The following DSC3 variants were observed in gnomAD, a reference collection of about 807,000 sequenced individuals.
The protein encoded by DSC3 is desmocollin 3, also known as desmocollin-3.
A neutral mutation model predicts 89.5 loss-of-function variants in DSC3; 97 were observed. The observed-to-expected ratio is 1.08, with a 90% confidence interval of 0.92 to 1.28. The LOEUF (loss-of-function observed/expected upper bound fraction) is 1.28, where lower values mean the gene tolerates loss of function less well. Among genes scored for constraint, DSC3 ranks in the 50% most tolerant of loss-of-function variants. The pLI, the probability that DSC3 is intolerant of heterozygous loss-of-function variation, is 0.00. For synonymous variants in DSC3, 436 were observed against 384.1 expected, an observed-to-expected ratio of 1.14 and a Z score of -1.58; for missense variants, 1,199 against 1,085.3, an observed-to-expected ratio of 1.10 and a Z score of -1.47.
chr18:31,020,543 CT>C (rs1001066266), intron 7 of DSC3, among the ~76,000 whole-genome samples: 1 of 152,108 alleles, frequency 6.6e-6, no homozygotes, highest in Non-Finnish European at 1.5e-5. Context: ...TTTTATTTTA[CT>C]GTTCGTTAGT....
intron 2 of DSC3, 54 bp from the exon 3 acceptor site, chr18:31,031,226 G>T: frequency 1.7e-6 from 2 of 1,202,176 alleles, no homozygotes; most frequent in Non-Finnish European, 2.4e-6. Flanking sequence ...AAAAAAAAAC[G>T]TGTTAAAATA....
chr18:31,027,139 T>C (rs1260742821), intron 4 of DSC3, among the ~76,000 whole-genome samples: 1 of 152,126 alleles, frequency 6.6e-6, no homozygotes, highest in African/African-American at 2.4e-5. Context: ...ATAGGCTAAA[T>C]TGAAGCTCAA....
chr18:30,999,208 C>T (rs1266520225), intron 14 of DSC3, among the ~76,000 whole-genome samples: 1 of 152,094 alleles, frequency 6.6e-6, no homozygotes, highest in Non-Finnish European at 1.5e-5. Context: ...CTTTGTGCCA[C>T]CTTCCTATCA....
rs1984286706 is a variant in DSC3, at chr18:30,992,201, C to A, written c.*1974G>T. 6.9e-6 allele frequency: 1 copy of A among 144,740 alleles called. No homozygotes were observed. The highest frequency in any genetic ancestry group is 2.2e-4 in the South Asian group (1 of 4,522). The allele number at this position is 144,740 out of a possible 1,614,324, so 9.0% of individuals were successfully genotyped here. On this transcript the variant is annotated 3_prime_UTR_variant, in exon 16 of 16. Coordinates refer to ENST00000360428, the MANE Select transcript of DSC3 (RefSeq NM_001941.5). Reference sequence around the variant, plus strand: ...GGGGGGGGGGGGGGCAATAAAAAGTCTAAGTCTAAAACACATAGATTTTAG... The same window carrying A: ...GGGGGGGGGGGGGGCAATAAAAAGTATAAGTCTAAAACACATAGATTTTAG...
chr18:31,019,585 G>T (rs894123563), intron 7 of DSC3, among the ~76,000 whole-genome samples: 8 of 152,104 alleles, frequency 5.3e-5, no homozygotes, highest in Non-Finnish European at 1.2e-4. Flanking sequence ...TCAAGGCCAG[G>T]AGTTTGAGAC....
chr18:30,995,951 G>A (rs1324723745), intron 15 of DSC3, among the ~76,000 whole-genome samples: 3 of 110,132 alleles, frequency 2.7e-5, no homozygotes, highest in African/African-American at 3.6e-5. Context: ...CAGCCTCAGC[G>A]ACAGAGCAAG....
At position 31,025,866 on chromosome 18, in the gene DSC3, C is replaced by T; in HGVS notation, c.524G>A (p.Gly175Glu). The change falls in exon 5 of 16, where the codon GGA (glycine) becomes GAA (glutamate). Residue 175 changes from glycine to glutamate, a missense_variant. By Grantham distance (98) the Gly-to-Glu change is moderately conservative (BLOSUM62 -2). Coordinates refer to ENST00000360428, the MANE Select transcript of DSC3 (RefSeq NM_001941.5). ...TAAAGGTTCTTTATCAACTCCACGT[C>T]CACTTATTGAGTAGAAGACAGTATA... ...QNYTVFYSISGRGVDKEPLNL... is the reference protein window; with the variant it reads ...QNYTVFYSISERGVDKEPLNL... 1 of 1,613,040 alleles carries T rather than the reference C, an allele frequency of 6.2e-7. No individual in the cohort carries two copies.
In DSC3 at chr18:30,994,062, T is replaced by G. The variant is rs1442690508; in HGVS notation, c.*113A>C. ...AATATAAATTGGTGAGTAGCATAATTCAAAATTGAGAAAAAAATCATCATA... is the reference window on the plus strand; with the variant it reads ...AATATAAATTGGTGAGTAGCATAATGCAAAATTGAGAAAAAAATCATCATA... On this transcript the variant is annotated 3_prime_UTR_variant, in exon 16 of 16. Coordinates refer to ENST00000360428, the MANE Select transcript of DSC3 (RefSeq NM_001941.5). 1.8e-6 allele frequency: 2 copies of G among 1,100,830 alleles called. No homozygotes were observed. The highest frequency in any genetic ancestry group is 2.7e-6 in the Non-Finnish European group (2 of 742,394). The allele number at this position is 1,100,830 out of a possible 1,614,324, so 68.2% of individuals were successfully genotyped here.
chr18:31,004,697 A>G (rs1204183627), intron 12 of DSC3, among the ~76,000 whole-genome samples: 1 of 151,130 alleles, frequency 6.6e-6, no homozygotes, highest in East Asian at 2.0e-4. Context: ...GTACCAATGT[A>G]TCTACAGGTA....
chr18:30,999,401 A>G (rs1245690295), intron 14 of DSC3, among the ~76,000 whole-genome samples: 1 of 151,932 alleles, frequency 6.6e-6, no homozygotes, highest in Non-Finnish European at 1.5e-5. Context: ...GCTACCCTAC[A>G]TTTTTTTATT....
intron 1 of DSC3, among the ~76,000 whole-genome samples, chr18:31,040,194 G>A (rs1338367817): frequency 6.6e-6 from 1 of 152,164 alleles, no homozygotes; most frequent in African/African-American, 2.4e-5. Context: ...AACTATTTTA[G>A]TTCCTTTAGA....
intron 15 of DSC3, 126 bp from the exon 16 acceptor site, chr18:30,994,498 T>C: frequency 6.3e-7 from 1 of 1,589,876 alleles, no homozygotes; most frequent in Non-Finnish European, 8.6e-7. Flanking sequence ...AATGGATTCC[T>C]ACACACAGAA....
chr18:30,997,938 G>C (rs1196519956), intron 14 of DSC3, among the ~76,000 whole-genome samples: 1 of 152,124 alleles, frequency 6.6e-6, no homozygotes, highest in Non-Finnish European at 1.5e-5. Context: ...GTTGAGAACA[G>C]CTACCACATA....
At chr18:31,040,535 TATTTAC>T (rs1312594405) in intron 1 of DSC3, among the ~76,000 whole-genome samples, 1 of 152,174 alleles carries the variant, frequency 6.6e-6, no homozygotes, top group East Asian at 1.9e-4. Context: ...TTAGAAACTG[TATTTAC>T]ACTTCAGAGT....
chr18:31,039,511 T>A (rs1340005429), intron 1 of DSC3, among the ~76,000 whole-genome samples: 2 of 152,214 alleles, frequency 1.3e-5, no homozygotes, highest in African/African-American at 4.8e-5. Context: ...TTCTGCAGAA[T>A]GGAAATATTA....
rs141311997 is a variant in DSC3 at position 30,994,484 on chromosome 18, C to T, written c.2494-112G>A. On this transcript the variant is annotated intron_variant, in intron 15 of 15. Coordinates refer to ENST00000360428, the MANE Select transcript of DSC3 (RefSeq NM_001941.5). ...ATGTTTAATTTTTAACCAGTGTGTC[C>T]TCTAATGGATTCCTACACACAGAAA... The T allele has an allele frequency of 4.2e-3, 6,627 of 1,592,394 alleles. 27 individuals are homozygous for T. Among genetic ancestry groups the T allele is most frequent in the Non-Finnish European group, 5.2e-3 (6,091 of 1,166,612 alleles).
Position 31,007,064 on chromosome 18 carries a change from T to C in DSC3, c.1731A>G (p.Ile577Met). The C allele has an allele frequency of 1.9e-6, 3 of 1,614,002 alleles. No homozygotes were observed. The highest frequency in any genetic ancestry group is 8.5e-7 in the Non-Finnish European group (1 of 1,179,956). Residue 577 changes from isoleucine (I) to methionine (M), a missense_variant, in exon 12 of 16, where the codon ATA (isoleucine) becomes ATG (methionine). Ile to Met is a conservative substitution (Grantham distance 10). Transcript: ENST00000360428. ...TGCAAATGACTACATATTCTTGAAG[T>C]ATTTCTGGTGGATTATCATTTACAT... is the stretch of plus-strand genomic sequence containing the variant. ...IEDVNDNPPE[I>M]LQEYVVICKP...
Position 31,006,784 on chromosome 18 carries a change from C to A in DSC3, c.1888+123G>T, listed in dbSNP as rs113699070. On this transcript the variant is annotated intron_variant, in intron 12 of 15. Coordinates refer to ENST00000360428, the MANE Select transcript of DSC3 (RefSeq NM_001941.5). ...TAATATTTGTAAAAGGTTAGTTTATCCTTCTAAAATATATTAATGAGACTC... is the reference window on the plus strand; with the variant it reads ...TAATATTTGTAAAAGGTTAGTTTATACTTCTAAAATATATTAATGAGACTC... 1,939 of 778,700 alleles carry A rather than the reference C, an allele frequency of 2.5e-3. 32 individuals carry two copies. The African/African-American group carries it at 0.031, about 12-fold the overall frequency. 48.2% of individuals were successfully genotyped at this position (778,700 alleles called of 1,614,324 possible).
Position 31,018,766 on chromosome 18 carries a change from T to C in DSC3, c.977A>G (p.Gln326Arg). 1 of 1,613,872 alleles carries C rather than the reference T, an allele frequency of 6.2e-7. No individual in the cohort carries two copies. Among genetic ancestry groups the C allele is most frequent in the Non-Finnish European group, 8.5e-7 (1 of 1,179,932 alleles). ...TCCAAAAAACTGGCCATCCATGTCT[T>C]GTACTTTCATTATCAATGAGTACTT... ...VDKYSLIMKV[Q>R]DMDGQFFGLI... Residue 326 changes from glutamine to arginine, a missense_variant, in exon 8 of 16, where the codon CAA (glutamine) becomes CGA (arginine). By Grantham distance (43) the Gln-to-Arg change is conservative. Coordinates refer to ENST00000360428, the MANE Select transcript of DSC3 (RefSeq NM_001941.5).
Sources: allele counts gnomAD v4.1 joint callset (sites outside exome capture counted in the v4.1 genomes callset), GRCh38; gene constraint gnomAD v4.1.1; transcripts MANE v1.5; gene names NCBI Gene and HGNC (gene_info 2026-07-23, HGNC 2026-07-21).